The following ADAMTSL1 variants were observed in gnomAD, a reference collection of about 807,000 sequenced individuals.
ADAMTSL1 encodes the protein ADAMTS like 1, also known as ADAMTS-like protein 1.
Under a neutral mutation model 201.8 loss-of-function variants are expected in ADAMTSL1, and 126 were observed. The observed-to-expected ratio is 0.62, with a 90% CI of 0.54 to 0.72. The LOEUF is 0.72. Among genes scored for constraint, ADAMTSL1 ranks in the 30% least tolerant of loss-of-function variants. The pLI is 0.00. For missense variants in ADAMTSL1, 2,679 were observed against 2,277.8 expected (o/e 1.18, Z -3.59); for synonymous variants, 1,121 against 903.4 (o/e 1.24, Z -4.32).
At chr9:18,705,153 C>A (rs1172128574) in intron 13 of ADAMTSL1, among the ~76,000 whole-genome samples, 1 of 152,136 alleles carries the variant, frequency 6.6e-6, no homozygotes, top group Non-Finnish European at 1.5e-5. Flanking sequence ...TTCCCTGAAC[C>A]AGATCTGAAC....
chr9:18,312,385 C>A (rs1240778777), intron 2 of ADAMTSL1, among the ~76,000 whole-genome samples: 2 of 152,170 alleles, frequency 1.3e-5, no homozygotes, highest in African/African-American at 2.4e-5. Flanking sequence ...GTATTAAGTG[C>A]CACATCGTTG....
chr9:18,636,801 A>T (rs1312683507), intron 6 of ADAMTSL1, among the ~76,000 whole-genome samples: 1 of 152,164 alleles, frequency 6.6e-6, no homozygotes, highest in African/African-American at 2.4e-5. Context: ...TGTAAAATTC[A>T]GTTTCACTGA....
chr9:18,693,244 A>G (rs1215480949), intron 13 of ADAMTSL1, among the ~76,000 whole-genome samples: 1 of 152,108 alleles, frequency 6.6e-6, no homozygotes. Context: ...CTGCCCCTTA[A>G]TTTTTTTATT....
chr9:18,543,692 A>G (rs1820299292), intron 3 of ADAMTSL1, among the ~76,000 whole-genome samples: 1 of 152,218 alleles, frequency 6.6e-6, no homozygotes. Context: ...CATTTGTGGC[A>G]TAAAGAAATA....
intron 2 of ADAMTSL1, among the ~76,000 whole-genome samples, chr9:18,512,773 A>G (rs1426172261): frequency 2.6e-5 from 4 of 152,168 alleles, no homozygotes; most frequent in Non-Finnish European, 4.4e-5. Context: ...GCATCATTTT[A>G]TATATTAATG....
In ADAMTSL1 at chr9:18,284,516, C is replaced by T. The variant is rs375149787; in HGVS notation, c.207+120535C>T. On this transcript the variant is annotated intron_variant, in intron 2 of 29. Transcript: ENST00000680146. ...GTATTACTTTAATGAAATGTCTGCA[C>T]TATTTCTTATGATAAATGAGGAAAC... Among the ~76,000 whole-genome samples the T allele has an allele frequency of 1.3e-4, 20 of 152,118 alleles. No individual in the cohort carries two copies. In the East Asian group the frequency reaches 1.3e-3, roughly 10 times the overall value.
At position 17,994,089 on chromosome 9, in the gene ADAMTSL1, A is replaced by ATT. The variant is rs200200400; in HGVS notation, c.87+87168_87+87169dup. ...GCTCCACCTCGGCAGACAGAATCTC[A>ATT]TTGTGTGTGTGTGTGTGTGTGTGTG... On this transcript the variant is annotated intron_variant, in intron 1 of 29. Transcript: ENST00000680146. Among the ~76,000 whole-genome samples the ATT allele has an allele frequency of 7.1e-3, 997 of 140,820 alleles. 7 individuals carry two copies. The highest frequency in any genetic ancestry group is 0.026 in the South Asian group (117 of 4,548). The allele number at this position is 140,820 out of a possible 152,430, so 92.4% of individuals were successfully genotyped here.
intron 1 of ADAMTSL1, among the ~76,000 whole-genome samples, chr9:18,045,594 A>C (rs916617962): frequency 6.6e-6 from 1 of 152,162 alleles, no homozygotes. Flanking sequence ...TCATTGCCCA[A>C]ATACAAAAGC....
At chr9:17,960,239 C>T (rs1020601899) in intron 1 of ADAMTSL1, among the ~76,000 whole-genome samples, 1 of 152,166 alleles carries the variant, frequency 6.6e-6, no homozygotes, top group Non-Finnish European at 1.5e-5. Flanking sequence ...ATGACCCTCC[C>T]ATGGAGGACG....
At chr9:18,463,048 C>T (rs1820868796) in intron 2 of ADAMTSL1, among the ~76,000 whole-genome samples, 1 of 152,140 alleles carries the variant, frequency 6.6e-6, no homozygotes, top group African/African-American at 2.4e-5. Context: ...AGCACAGACT[C>T]ATACCCATCT....
chr9:17,929,531 C>G, intron 1 of ADAMTSL1, among the ~76,000 whole-genome samples: 1 of 152,046 alleles, frequency 6.6e-6, no homozygotes, highest in East Asian at 1.9e-4. Context: ...ACTCCTCTTC[C>G]TCCCTTCTAT....
At position 18,660,861 on chromosome 9, in the gene ADAMTSL1, A is replaced by C. The variant is rs776335036; in HGVS notation, c.947-1074A>C. Among the ~76,000 whole-genome samples, 124 of 152,274 alleles carry C rather than the reference A, an allele frequency of 8.1e-4. 1 individual carries two copies. The highest frequency in any genetic ancestry group is 1.2e-3 in the Non-Finnish European group (85 of 68,016). ...ATTAATTTCTGTGGGTGGTCTGAGA[A>C]CACAGCCTTAAGCCAGGAAATCTGG... On this transcript the variant is annotated intron_variant, in intron 8 of 28. Transcript: ENST00000380548.
chr9:17,980,319 C>G (rs1413984273), intron 1 of ADAMTSL1, among the ~76,000 whole-genome samples: 1 of 152,048 alleles, frequency 6.6e-6, no homozygotes, highest in Non-Finnish European at 1.5e-5. Context: ...TGACATTACC[C>G]CCCACCACAT....
intron 23 of ADAMTSL1, among the ~76,000 whole-genome samples, chr9:18,871,629 T>A (rs879832292): frequency 3.9e-5 from 6 of 152,200 alleles, no homozygotes; most frequent in Non-Finnish European, 7.3e-5. Context: ...AAATTAAAAC[T>A]ACATTTTTCC....
At chr9:18,092,032 A>G (rs969741503) in intron 1 of ADAMTSL1, among the ~76,000 whole-genome samples, 5 of 152,072 alleles carry the variant, frequency 3.3e-5, no homozygotes, top group African/African-American at 9.7e-5. Context: ...TTCCTCTGAT[A>G]TTTTTGTTCA....
intron 26 of ADAMTSL1, among the ~76,000 whole-genome samples, chr9:18,893,391 G>C (rs78216985): frequency 0.026 from 3,949 of 152,228 alleles, 186 homozygotes; most frequent in African/African-American, 0.086. Flanking sequence ...TCCTAACAGA[G>C]AGAAAAATAC....
At chr9:18,610,063 AG>A (rs796914779) in intron 4 of ADAMTSL1, among the ~76,000 whole-genome samples, 2 of 152,250 alleles carry the variant, frequency 1.3e-5, no homozygotes, top group South Asian at 4.2e-4. Context: ...ATGATGTTCC[AG>A]GGTAAGAAGT....
At chr9:18,006,467 C>A (rs1382403631) in intron 1 of ADAMTSL1, among the ~76,000 whole-genome samples, 2 of 151,946 alleles carry the variant, frequency 1.3e-5, no homozygotes, top group Admixed American at 1.3e-4. Flanking sequence ...CAGGAAGATT[C>A]TTGTGTTCAA....
chr9:18,649,730 T>C, intron 7 of ADAMTSL1, among the ~76,000 whole-genome samples: 1 of 152,118 alleles, frequency 6.6e-6, no homozygotes, highest in East Asian at 1.9e-4. Flanking sequence ...AATGCTGCTG[T>C]CTGATCGTTC....
Sources: gnomAD v4.1 joint callset for allele counts (sites outside exome capture counted in the v4.1 genomes callset) on GRCh38, gnomAD v4.1.1 for gene constraint, MANE v1.5 for transcripts, NCBI Gene and HGNC (gene_info 2026-07-23, HGNC 2026-07-21) for gene names.